Variants in CNTN6 observed in about 807,000 individuals in gnomAD.
The protein encoded by CNTN6 is contactin 6, also known as contactin-6.
Under a neutral mutation model 122.8 loss-of-function variants are expected in CNTN6, and 137 were observed. The observed-to-expected ratio is 1.12, with a 90% CI of 0.97 to 1.29. The LOEUF (loss-of-function observed/expected upper bound fraction) is 1.29, where lower values mean the gene tolerates loss of function less well. CNTN6 is among the 50% of genes most tolerant of loss of function. The pLI is 0.00. For synonymous variants in CNTN6, 570 were observed against 426.0 expected (o/e 1.34, Z -4.16); for missense variants, 1,634 against 1,223.4 (o/e 1.34, Z -5.01).
chr3:1,155,108 C>T (rs1392108410), intron 2 of CNTN6, among the ~76,000 whole-genome samples: 1 of 152,132 alleles, frequency 6.6e-6, no homozygotes, highest in Non-Finnish European at 1.5e-5. Context: ...CACTATTGGT[C>T]CTAGTCACTC....
intron 12 of CNTN6, among the ~76,000 whole-genome samples, chr3:1,361,923 T>G (rs931168011): frequency 2.0e-5 from 3 of 151,984 alleles, no homozygotes; most frequent in Non-Finnish European, 4.4e-5. Flanking sequence ...AAATCAGGAA[T>G]GAAGAAACCA....
chr3:1,124,187 T>C (rs1409423969), intron 1 of CNTN6, among the ~76,000 whole-genome samples: 1 of 151,958 alleles, frequency 6.6e-6, no homozygotes, highest in African/African-American at 2.4e-5. Context: ...ACAAGGATGC[T>C]CCTGGATGTT....
chr3:1,249,437 T>C (rs931508207), intron 4 of CNTN6, among the ~76,000 whole-genome samples: 3 of 152,198 alleles, frequency 2.0e-5, no homozygotes, highest in South Asian at 2.1e-4. Flanking sequence ...ATGAATGCCA[T>C]TGGAATAAAG....
chr3:1,287,351 C>T (rs1221161917), intron 5 of CNTN6, among the ~76,000 whole-genome samples: 1 of 152,114 alleles, frequency 6.6e-6, no homozygotes, highest in African/African-American at 2.4e-5. Flanking sequence ...GAAAATTTGT[C>T]TCCAGATATT....
At chr3:1,367,102 G>C (rs1708338521) in intron 12 of CNTN6, among the ~76,000 whole-genome samples, 1 of 152,138 alleles carries the variant, frequency 6.6e-6, no homozygotes, top group South Asian at 2.1e-4. Flanking sequence ...TGTTTACATT[G>C]TGTAATGATT....
intron 4 of CNTN6, among the ~76,000 whole-genome samples, chr3:1,275,506 G>C (rs1455751552): frequency 6.6e-6 from 1 of 152,108 alleles, no homozygotes; most frequent in African/African-American, 2.4e-5. Flanking sequence ...AGATTTTCAA[G>C]GTTAACTCCT....
chr3:1,401,042 T>C (rs963311779), intron 20 of CNTN6, among the ~76,000 whole-genome samples: 8 of 152,150 alleles, frequency 5.3e-5, no homozygotes, highest in African/African-American at 1.9e-4. Context: ...TGAACATCTA[T>C]GTGTTGATAT....
At chr3:1,132,042 A>G (rs2092349696) in intron 1 of CNTN6, among the ~76,000 whole-genome samples, 1 of 152,140 alleles carries the variant, frequency 6.6e-6, no homozygotes, top group Non-Finnish European at 1.5e-5. Context: ...TTGGAAAGAA[A>G]AGATATATGT....
intron 4 of CNTN6, among the ~76,000 whole-genome samples, chr3:1,240,162 T>A (rs1056369841): frequency 2.0e-5 from 3 of 152,058 alleles, no homozygotes; most frequent in African/African-American, 7.2e-5. Flanking sequence ...AAAACAAAGA[T>A]AAATACATGG....
At chr3:1,384,475 G>A (rs1212075169) in intron 19 of CNTN6, among the ~76,000 whole-genome samples, 1 of 142,354 alleles carries the variant, frequency 7.0e-6, no homozygotes, top group Admixed American at 6.7e-5. Context: ...TTTAGTCTAT[G>A]AAGAATAAGG....
At chr3:1,365,433 A>G (rs761986633) in intron 12 of CNTN6, among the ~76,000 whole-genome samples, 10 of 152,032 alleles carry the variant, frequency 6.6e-5, no homozygotes, top group Non-Finnish European at 4.4e-5. Flanking sequence ...TATGCATGTT[A>G]AATAAAAACA....
intron 6 of CNTN6, among the ~76,000 whole-genome samples, chr3:1,297,066 G>T (rs1217433607): frequency 6.6e-6 from 1 of 152,086 alleles, no homozygotes; most frequent in Non-Finnish European, 1.5e-5. Flanking sequence ...CAACTTAGTT[G>T]AATGAAGTAG....
At chr3:1,144,506 C>G (rs1479410642) in intron 1 of CNTN6, among the ~76,000 whole-genome samples, 1 of 151,858 alleles carries the variant, frequency 6.6e-6, no homozygotes, top group East Asian at 1.9e-4. Context: ...TCCCAAAAGG[C>G]AGAGGTTGGA....
At chr3:1,178,829 T>A (rs183933416) in intron 2 of CNTN6, among the ~76,000 whole-genome samples, 1 of 152,304 alleles carries the variant, frequency 6.6e-6, no homozygotes, top group Non-Finnish European at 1.5e-5. Context: ...GTTATACTTG[T>A]GTTTAGAGTG....
chr3:1,390,267 C>T (rs531080268), intron 20 of CNTN6, among the ~76,000 whole-genome samples: 113 of 152,042 alleles, frequency 7.4e-4, no homozygotes, highest in South Asian at 5.6e-3. Context: ...CACTCAAAAC[C>T]GCTCAACTAC....
chr3:1,391,660 T>G (rs573402897), intron 20 of CNTN6, among the ~76,000 whole-genome samples: 1 of 151,192 alleles, frequency 6.6e-6, no homozygotes, highest in Non-Finnish European at 1.5e-5. Context: ...AAAACCCCAT[T>G]GTCTCAGCCC....
At chr3:1,309,177 T>G (rs558833079) in intron 7 of CNTN6, among the ~76,000 whole-genome samples, 1 of 152,286 alleles carries the variant, frequency 6.6e-6, no homozygotes, top group South Asian at 2.1e-4. Context: ...ATAAACGGTG[T>G]TTTTGGCATT....
intron 4 of CNTN6, 152 bp downstream of exon 4, chr3:1,228,145 T>C: frequency 1.5e-6 from 1 of 660,534 alleles, no homozygotes; most frequent in Non-Finnish European, 2.5e-6. Flanking sequence ...TGAATCTAGA[T>C]TCTTGGGTAT....
intron 5 of CNTN6, among the ~76,000 whole-genome samples, chr3:1,293,779 GGATCTCCTTTGGACCAGCT>G (rs1215893499): frequency 6.6e-6 from 1 of 152,020 alleles, no homozygotes; most frequent in Non-Finnish European, 1.5e-5. Flanking sequence ...CCTATTTTGG[GGATCTCCTTTGGACCAGCT>G]ATATTCTTCT....
Sources: gnomAD v4.1 joint callset for allele counts (sites outside exome capture counted in the v4.1 genomes callset) on GRCh38, gnomAD v4.1.1 for gene constraint, MANE v1.5 for transcripts, NCBI Gene and HGNC (gene_info 2026-07-23, HGNC 2026-07-21) for gene names.